Variants in TIMM44 observed in about 807,000 individuals in gnomAD.
TIMM44 encodes translocase of inner mitochondrial membrane 44.
A neutral mutation model predicts 63.8 loss-of-function variants in TIMM44; 37 were observed. The observed-to-expected ratio is 0.58, with a 90% CI of 0.45 to 0.76. The LOEUF is 0.76. Ranked by LOEUF, TIMM44 falls within the 30% of genes least tolerant of loss-of-function variation. TIMM44 has a pLI of 0.00. For synonymous variants in TIMM44, 239 were observed against 245.1 expected, an observed-to-expected ratio of 0.98 and a Z score of 0.23; for missense variants, 573 against 603.8, an observed-to-expected ratio of 0.95 and a Z score of 0.54.
chr19:7,932,451 G>A (rs746885644), intron 9 of TIMM44, 176 bp downstream of exon 9: 37 of 834,648 alleles, frequency 4.4e-5, no homozygotes, highest in African/African-American at 6.8e-5. Flanking sequence ...GAAGGGCTTC[G>A]GGCACAGCTC....
At chr19:7,938,898 A>G (rs1984227441) in intron 2 of TIMM44, among the ~76,000 whole-genome samples, 1 of 152,192 alleles carries the variant, frequency 6.6e-6, no homozygotes, top group African/African-American at 2.4e-5. Context: ...TGTATATTGC[A>G]CTAAGTGAAA....
intron 12 of TIMM44, 142 bp from the exon 13 acceptor site, chr19:7,927,448 C>G (rs1031006162): frequency 6.1e-6 from 7 of 1,139,100 alleles, no homozygotes; most frequent in Non-Finnish European, 9.1e-6. Flanking sequence ...ATTGCCTAGA[C>G]TCAGGAACCA....
In TIMM44 at chr19:7,941,205, G is replaced by T. The variant is rs192670629; in HGVS notation, c.46-8C>A. 535 of 1,605,024 alleles carry T rather than the reference G, an allele frequency of 3.3e-4. No homozygotes were observed. Among genetic ancestry groups the T allele is most frequent in the Non-Finnish European group, 4.2e-4 (493 of 1,171,790 alleles). On this transcript the variant is annotated splice_polypyrimidine_tract_variant and splice_region_variant and intron_variant, in intron 1 of 12. Transcript: ENST00000270538. The stretch of plus-strand genomic sequence containing the variant: ...TCCACTGCCGAGGCATCTCTAATTG[G>T]GGGGAGAGAAGAGAAAGATCCATTC...
intron 1 of TIMM44, 104 bp from the exon 2 acceptor site, chr19:7,941,301 A>ATTTTT (rs373554761): frequency 7.5e-6 from 5 of 666,864 alleles, no homozygotes; most frequent in South Asian, 1.7e-5. Context: ...CTCACTGGCC[A>ATTTTT]TTTTTTTTTT....
intron 1 of TIMM44, among the ~76,000 whole-genome samples, chr19:7,942,949 T>C (rs1984351047): frequency 1.4e-5 from 2 of 145,846 alleles, no homozygotes; most frequent in Middle Eastern, 3.5e-3. Context: ...GAGAATCGCT[T>C]GAACCCGGAG....
rs866145736 is a variant in TIMM44 at position 7,943,434 on chromosome 19, G to A, written c.45+173C>T. 6.6e-6 allele frequency among the ~76,000 whole-genome samples: 1 copy of A among 152,180 alleles called. No individual in the cohort carries two copies. On this transcript the variant is annotated intron_variant, in intron 1 of 12. Transcript: ENST00000270538. This position sits in a 1 kb window ranked among gnomAD's most constrained non-coding sequence, Gnocchi z 4.3. Reference sequence around the variant, plus strand: ...CCGGTAAGCTCGGTCCCCGCCCTCAGGCCACGCTCTGTGCCCCCTGTCCTG... The same window carrying A: ...CCGGTAAGCTCGGTCCCCGCCCTCAAGCCACGCTCTGTGCCCCCTGTCCTG...
chr19:7,937,645 T>C (rs1048467184), intron 3 of TIMM44, among the ~76,000 whole-genome samples: 11 of 152,134 alleles, frequency 7.2e-5, no homozygotes, highest in African/African-American at 2.7e-4. Context: ...CCCCCAACCG[T>C]CCAGCCCTGA....
rs1444408079 is a variant in TIMM44 at position 7,934,399 on chromosome 19, T to TGAGCACAACGGCACCCCCAGAGCCAC, written c.394-187_394-162dup. On this transcript the variant is annotated intron_variant, in intron 4 of 12. Coordinates refer to ENST00000270538, the MANE Select transcript of TIMM44 (RefSeq NM_006351.4). The surrounding 1 kb of genome is among the most constrained non-coding windows in gnomAD (Gnocchi z 5.3). ...GTGGTACGCGGCACCCCCAGAGCCATGAGCACAACGGCACCCCCAGAGCCA... is the reference window on the plus strand; with the variant it reads ...GTGGTACGCGGCACCCCCAGAGCCATGAGCACAACGGCACCCCCAGAGCCACGAGCACAACGGCACCCCCAGAGCCA... 6.7e-6 allele frequency among the ~76,000 whole-genome samples: 1 copy of TGAGCACAACGGCACCCCCAGAGCCAC among 150,072 alleles called. No homozygotes were observed. Among genetic ancestry groups the TGAGCACAACGGCACCCCCAGAGCCAC allele is most frequent in the Admixed American group, 6.6e-5 (1 of 15,140 alleles).
rs535395107 is a variant in TIMM44 at position 7,940,561 on chromosome 19, G to A, written c.141+541C>T. 1.8e-3 allele frequency among the ~76,000 whole-genome samples: 274 copies of A among 152,234 alleles called. 1 individual carries two copies. The highest frequency in any genetic ancestry group is 3.3e-3 in the Admixed American group (51 of 15,294). On this transcript the variant is annotated intron_variant, in intron 2 of 12. Coordinates refer to ENST00000270538, the MANE Select transcript of TIMM44 (RefSeq NM_006351.4). ...AGGCAGCTGAGCTGAGGCTCTGGGC[G>A]CAGAGAGAGAGGGAGACAGAATGTA...
intron 2 of TIMM44, 26 bp from the exon 3 acceptor site, chr19:7,938,223 A>T (rs997353599): frequency 1.3e-6 from 2 of 1,594,780 alleles, no homozygotes; most frequent in African/African-American, 2.7e-5. Flanking sequence ...AAGAAAAAAA[A>T]TTTAAAGAAC....
Position 7,933,824 on chromosome 19 carries a change from C to A in TIMM44, c.683+40G>T, listed in dbSNP as rs1330739369. On this transcript the variant is annotated intron_variant, in intron 6 of 12. Transcript: ENST00000270538. This position sits in a 1 kb window ranked among gnomAD's most constrained non-coding sequence, Gnocchi z 4.3. ...CCGAAATGGACAGCAGTGAAAGCTG[C>A]CCAAAATGGGGGCAGCGAGGGCCAC... 1 of 1,613,054 alleles carries A rather than the reference C, an allele frequency of 6.2e-7. No homozygotes were observed. Among genetic ancestry groups the A allele is most frequent in the Non-Finnish European group, 8.5e-7 (1 of 1,179,942 alleles).
intron 10 of TIMM44, among the ~76,000 whole-genome samples, chr19:7,929,102 T>C (rs1372623287): frequency 6.6e-6 from 1 of 152,060 alleles, no homozygotes; most frequent in Non-Finnish European, 1.5e-5. Context: ...GATCGCTTAA[T>C]ACGAAGAAGC....
chr19:7,936,138 G>C (rs190894126), intron 3 of TIMM44, among the ~76,000 whole-genome samples: 2 of 152,292 alleles, frequency 1.3e-5, no homozygotes, highest in African/African-American at 4.8e-5. Context: ...CAGGGTGACA[G>C]AGCAAGACCC....
intron 4 of TIMM44, 27 bp downstream of exon 4, chr19:7,935,038 G>T: frequency 6.2e-7 from 1 of 1,600,282 alleles, no homozygotes; most frequent in Non-Finnish European, 8.5e-7. Context: ...TGGCCCCAGC[G>T]GCTCCAGGCG....
chr19:7,936,874 G>A (rs1202744263), intron 3 of TIMM44, among the ~76,000 whole-genome samples: 1 of 152,000 alleles, frequency 6.6e-6, no homozygotes, highest in Non-Finnish European at 1.5e-5. Context: ...GCCAAGGCAG[G>A]TGGATCATTT....
chr19:7,929,905 G>A (rs568920614), intron 10 of TIMM44, among the ~76,000 whole-genome samples: 195 of 152,254 alleles, frequency 1.3e-3, no homozygotes, highest in African/African-American at 4.4e-3. Context: ...CTGGAGTGCA[G>A]TGGTGCAATC....
At chr19:7,940,232 TAA>T (rs570613284) in intron 2 of TIMM44, among the ~76,000 whole-genome samples, 18 of 139,114 alleles carry the variant, frequency 1.3e-4, no homozygotes, top group Non-Finnish European at 1.3e-4. Context: ...GACCCTATCT[TAA>T]AAAAAAAAAA....
chr19:7,931,335 G>T, intron 9 of TIMM44, 147 bp from the exon 10 acceptor site: 1 of 754,172 alleles, frequency 1.3e-6, no homozygotes, highest in Non-Finnish European at 2.4e-6. Flanking sequence ...GTGGAGCTGT[G>T]GCACTGGGTG....
rs971198063 is a variant in TIMM44 at position 7,934,509 on chromosome 19, C to T, written c.394-271G>A. Among the ~76,000 whole-genome samples the T allele has an allele frequency of 2.6e-4, 39 of 152,134 alleles. No homozygotes were observed. The highest frequency in any genetic ancestry group is 4.6e-4 in the Non-Finnish European group (31 of 68,018). On this transcript the variant is annotated intron_variant, in intron 4 of 12. Coordinates refer to ENST00000270538, the MANE Select transcript of TIMM44 (RefSeq NM_006351.4). The surrounding 1 kb of genome is among the most constrained non-coding windows in gnomAD (Gnocchi z 5.3). ...ACCGGCACCCCCAGAGCCATGAGCA[C>T]ACCGCCACGGCTTCCGGGATGCTGG... is the stretch of plus-strand genomic sequence containing the variant.
Sources: allele counts gnomAD v4.1 joint callset (sites outside exome capture counted in the v4.1 genomes callset), GRCh38; gene constraint gnomAD v4.1.1; non-coding constraint Gnocchi (gnomAD v3.1); transcripts MANE v1.5; gene names NCBI Gene and HGNC (gene_info 2026-07-23, HGNC 2026-07-21).